The following RAD51B variants were observed in gnomAD, a reference collection of about 807,000 sequenced individuals.
RAD51B encodes RAD51 paralog B.
In RAD51B, 38 loss-of-function variants were observed where a neutral mutation model predicts 42.2. The observed-to-expected ratio is 0.90, with a 90% CI of 0.70 to 1.18. RAD51B has a LOEUF of 1.18. Ranked by LOEUF, RAD51B falls within the 50% of genes most tolerant of loss-of-function variation. The pLI is 0.00. For synonymous variants in RAD51B, 154 were observed against 145.2 expected (o/e 1.06, Z -0.43); for missense variants, 373 against 400.7 (o/e 0.93, Z 0.59).
At chr14:68,106,087 G>A (rs2077373270) in intron 7 of RAD51B, among the ~76,000 whole-genome samples, 1 of 151,930 alleles carries the variant, frequency 6.6e-6, no homozygotes, top group Non-Finnish European at 1.5e-5. Flanking sequence ...AGTTGAAACA[G>A]CAGAAGGCAT....
chr14:68,258,315 C>T (rs896281840), intron 7 of RAD51B, among the ~76,000 whole-genome samples: 3 of 151,872 alleles, frequency 2.0e-5, no homozygotes, highest in East Asian at 3.9e-4. Context: ...GCGGGAGGAT[C>T]GCTTGAGCCT....
rs58865001 is a variant in RAD51B at position 68,573,980 on chromosome 14, A to ATGTGTG, written c.1037-20484_1037-20479dup. Among the ~76,000 whole-genome samples the ATGTGTG allele has an allele frequency of 8.5e-3, 1,268 of 149,802 alleles. 15 individuals are homozygous for ATGTGTG. Among genetic ancestry groups the ATGTGTG allele is most frequent in the African/African-American group, 0.027 (1,097 of 40,716 alleles). On this transcript the variant is annotated intron_variant, in intron 10 of 10. Transcript: ENST00000487270. Reference sequence around the variant, plus strand: ...TGTGGGTGTGGGTGTCAGTGTGTGTATGTGTGTGTGTGTGTGTGTGTGTGT... The same window carrying ATGTGTG: ...TGTGGGTGTGGGTGTCAGTGTGTGTATGTGTGTGTGTGTGTGTGTGTGTGTGTGTGT...
At chr14:68,625,056 C>T (rs1892045030) in intron 10 of RAD51B, among the ~76,000 whole-genome samples, 1 of 152,178 alleles carries the variant, frequency 6.6e-6, no homozygotes, top group Non-Finnish European at 1.5e-5. Context: ...GTTTAAGTAG[C>T]TTGCACGAGG....
chr14:68,516,375 C>T (rs1886155764), intron 10 of RAD51B, among the ~76,000 whole-genome samples: 1 of 152,086 alleles, frequency 6.6e-6, no homozygotes, highest in African/African-American at 2.4e-5. Flanking sequence ...AGAAGAGTGA[C>T]AGTGTTTTAC....
intron 10 of RAD51B, among the ~76,000 whole-genome samples, chr14:68,547,048 A>G (rs1288940203): frequency 6.6e-6 from 1 of 152,068 alleles, no homozygotes; most frequent in Non-Finnish European, 1.5e-5. Context: ...TTTTTTGTGC[A>G]ACTCCAACTC....
At chr14:68,188,296 T>G (rs569705235) in intron 7 of RAD51B, among the ~76,000 whole-genome samples, 1 of 151,936 alleles carries the variant, frequency 6.6e-6, no homozygotes, top group South Asian at 2.1e-4. Context: ...TCTTCCCTTC[T>G]TCCTTTTTTT....
intron 7 of RAD51B, among the ~76,000 whole-genome samples, chr14:68,097,558 GTTC>G (rs1451829175): frequency 6.6e-6 from 1 of 152,046 alleles, no homozygotes; most frequent in Non-Finnish European, 1.5e-5. Flanking sequence ...TTTAAAGCAG[GTTC>G]TTTTCCATTT....
chr14:68,647,446 A>C (rs921206341), intron 10 of RAD51B, among the ~76,000 whole-genome samples: 1 of 152,038 alleles, frequency 6.6e-6, no homozygotes, highest in Non-Finnish European at 1.5e-5. Context: ...GTCTCTTCTT[A>C]TTTTTCTAAG....
At chr14:67,850,986 C>A (rs1746963303) in intron 4 of RAD51B, among the ~76,000 whole-genome samples, 2 of 152,092 alleles carry the variant, frequency 1.3e-5, no homozygotes, top group South Asian at 4.1e-4. Flanking sequence ...GTTTTTGGGG[C>A]AGAACTTCAT....
At chr14:68,484,359 C>CTTT (rs10665607) in intron 10 of RAD51B, among the ~76,000 whole-genome samples, 6,932 of 130,040 alleles carry the variant, frequency 0.053, 692 homozygotes, top group African/African-American at 0.19. Context: ...CTTTCTTTTT[C>CTTT]TTTTTTTTTT....
intron 10 of RAD51B, among the ~76,000 whole-genome samples, chr14:68,557,730 T>G (rs1888926413): frequency 6.6e-6 from 1 of 152,174 alleles, no homozygotes; most frequent in Admixed American, 6.5e-5. Context: ...GAAAATTTAA[T>G]ATTGCTGTCA....
intron 7 of RAD51B, among the ~76,000 whole-genome samples, chr14:68,194,023 T>A (rs1035549413): frequency 6.6e-6 from 1 of 152,202 alleles, no homozygotes; most frequent in African/African-American, 2.4e-5. Flanking sequence ...GAGGGCTGTC[T>A]AGGACCAATG....
At chr14:68,101,305 A>T (rs1009270121) in intron 7 of RAD51B, among the ~76,000 whole-genome samples, 4 of 152,208 alleles carry the variant, frequency 2.6e-5, no homozygotes, top group African/African-American at 9.7e-5. Flanking sequence ...TAATCATGCC[A>T]TTCCAAAAGT....
chr14:68,545,618 A>T (rs1238014304), intron 10 of RAD51B: 1 of 456,002 alleles, frequency 2.2e-6, no homozygotes, highest in Non-Finnish European at 4.4e-6. Flanking sequence ...GTTCCACCAG[A>T]GTAGAGGTAA....
chr14:67,844,464 A>G (rs1188026402), intron 4 of RAD51B, among the ~76,000 whole-genome samples: 1 of 151,876 alleles, frequency 6.6e-6, no homozygotes, highest in Non-Finnish European at 1.5e-5. Flanking sequence ...GTCTCACACT[A>G]TTATTATGCA....
intron 4 of RAD51B, among the ~76,000 whole-genome samples, chr14:67,847,687 C>T (rs1201991711): frequency 3.3e-5 from 5 of 152,164 alleles, no homozygotes; most frequent in Non-Finnish European, 7.3e-5. Context: ...TTGACACTTA[C>T]TTTATGACCA....
At chr14:68,423,474 A>G (rs1220014840) in intron 9 of RAD51B, among the ~76,000 whole-genome samples, 1 of 152,148 alleles carries the variant, frequency 6.6e-6, no homozygotes, top group Non-Finnish European at 1.5e-5. Context: ...TACTAGATAT[A>G]CTTTACAATT....
At chr14:68,010,938 A>G (rs1424102149) in intron 7 of RAD51B, among the ~76,000 whole-genome samples, 1 of 151,812 alleles carries the variant, frequency 6.6e-6, no homozygotes, top group Admixed American at 6.6e-5. Flanking sequence ...TTATATTTGT[A>G]TTTGTATTGT....
At position 68,422,163 on chromosome 14, in the gene RAD51B, C is replaced by T. The variant is rs964443421; in HGVS notation, c.957+10636C>T. On this transcript the variant is annotated intron_variant, in intron 9 of 10. Coordinates refer to ENST00000471583, the MANE Select transcript of RAD51B (RefSeq NM_133510.4). ...ACATGGCCCAAGGGCTCGCTGTCGA[C>T]GGCAAATTCAAAGAACATGGTGGGG... 4.6e-5 allele frequency: 60 copies of T among 1,296,700 alleles called. 1 individual carries two copies. The highest frequency in any genetic ancestry group is 1.8e-4 in the Middle Eastern group (1 of 5,494). The allele number at this position is 1,296,700 out of a possible 1,614,324, so 80.3% of individuals were successfully genotyped here.
Sources: allele counts gnomAD v4.1 joint callset (sites outside exome capture counted in the v4.1 genomes callset), GRCh38; gene constraint gnomAD v4.1.1; transcripts MANE v1.5; gene names NCBI Gene and HGNC (gene_info 2026-07-23, HGNC 2026-07-21).